Variants in EPHA6 observed in about 807,000 individuals in gnomAD.
EPHA6 encodes the protein ephrin type-A receptor 6.
A neutral mutation model predicts 112.0 loss-of-function variants in EPHA6; 50 were observed. That is an observed-to-expected ratio of 0.45 (90% CI 0.36 to 0.56). The LOEUF (loss-of-function observed/expected upper bound fraction) is 0.56, where lower values mean the gene tolerates loss of function less well. EPHA6 is among the 20% of genes least tolerant of loss of function. The probability of loss-of-function intolerance (pLI) is 0.00; values close to 1 mark genes in which losing one functional copy is unlikely to be tolerated. For synonymous variants in EPHA6, 529 were observed against 490.7 expected (o/e 1.08, Z -1.03); for missense variants, 1,280 against 1,417.4 (o/e 0.90, Z 1.56).
At chr3:97,474,963 C>T (rs992089959) in intron 7 of EPHA6, among the ~76,000 whole-genome samples, 1 of 151,968 alleles carries the variant, frequency 6.6e-6, no homozygotes, top group Non-Finnish European at 1.5e-5. Flanking sequence ...GATATCAAAA[C>T]AGTCTATAAA....
intron 2 of EPHA6, among the ~76,000 whole-genome samples, chr3:96,908,815 G>T (rs2107596509): frequency 6.6e-6 from 1 of 152,038 alleles, no homozygotes; most frequent in East Asian, 1.9e-4. Context: ...TGATGAGTTT[G>T]AAAGCCAAAG....
intron 5 of EPHA6, among the ~76,000 whole-genome samples, chr3:97,275,832 G>T (rs551782360): frequency 3.3e-5 from 5 of 152,094 alleles, no homozygotes; most frequent in East Asian, 1.9e-4. Context: ...GGGTTAAGGT[G>T]GGGGGATATG....
rs73133042 is a variant in EPHA6 at position 97,294,298 on chromosome 3, T to C, written c.1606+50011T>C. On this transcript the variant is annotated intron_variant, in intron 5 of 17. Coordinates refer to ENST00000389672, the MANE Select transcript of EPHA6 (RefSeq NM_001080448.3). ...CCCACTTCAGCCAGCATCTTTGCAGTGGCCACTCCAGATGGACAGCTATCA... is the reference window on the plus strand; with the variant it reads ...CCCACTTCAGCCAGCATCTTTGCAGCGGCCACTCCAGATGGACAGCTATCA... Among the ~76,000 whole-genome samples, 440 of 152,324 alleles carry C rather than the reference T, an allele frequency of 2.9e-3. 5 individuals carry two copies. Among genetic ancestry groups the C allele is most frequent in the Non-Finnish European group, 1.6e-3 (112 of 68,016 alleles).
At chr3:97,085,947 A>G (rs1052510348) in intron 3 of EPHA6, among the ~76,000 whole-genome samples, 2 of 146,524 alleles carry the variant, frequency 1.4e-5, no homozygotes, top group Non-Finnish European at 3.0e-5. Context: ...ATATATATAT[A>G]TACACACTGA....
intron 3 of EPHA6, among the ~76,000 whole-genome samples, chr3:97,074,161 G>T (rs896952631): frequency 2.6e-5 from 4 of 151,732 alleles, no homozygotes; most frequent in Non-Finnish European, 5.9e-5. Context: ...CCCTGTCTTG[G>T]TGTTCTTGAT....
chr3:97,494,247 G>T (rs938569300), intron 10 of EPHA6, among the ~76,000 whole-genome samples: 23 of 152,080 alleles, frequency 1.5e-4, no homozygotes, highest in African/African-American at 5.6e-4. Flanking sequence ...TAATATTTGT[G>T]TCATAAATAG....
intron 5 of EPHA6, among the ~76,000 whole-genome samples, chr3:97,250,231 T>A (rs2079096847): frequency 6.6e-6 from 1 of 152,226 alleles, no homozygotes; most frequent in Non-Finnish European, 1.5e-5. Context: ...GTTCACTAAA[T>A]CCTCTGGTGC....
chr3:97,549,798 G>A (rs867536296), intron 11 of EPHA6, among the ~76,000 whole-genome samples: 4 of 151,846 alleles, frequency 2.6e-5, no homozygotes, highest in African/African-American at 7.3e-5. Flanking sequence ...GCGACAAGGC[G>A]AGACTCTGTC....
chr3:97,139,641 C>T (rs746519978), intron 3 of EPHA6, among the ~76,000 whole-genome samples: 4 of 152,078 alleles, frequency 2.6e-5, no homozygotes, highest in Admixed American at 6.6e-5. Flanking sequence ...GCCAAAGGAC[C>T]CTACCCAACA....
chr3:96,888,285 C>T (rs78216275), intron 2 of EPHA6, among the ~76,000 whole-genome samples: 4,262 of 152,258 alleles, frequency 0.028, 201 homozygotes, highest in African/African-American at 0.095. Context: ...CACTGTATTT[C>T]GCTCGGCTCT....
At chr3:97,368,031 C>A (rs1469841385) in intron 5 of EPHA6, among the ~76,000 whole-genome samples, 4 of 152,126 alleles carry the variant, frequency 2.6e-5, no homozygotes, top group Non-Finnish European at 5.9e-5. Context: ...GTTCAAGGTG[C>A]TGACTTCAAA....
At chr3:97,113,634 C>G (rs2047790947) in intron 3 of EPHA6, among the ~76,000 whole-genome samples, 1 of 152,102 alleles carries the variant, frequency 6.6e-6, no homozygotes, top group Non-Finnish European at 1.5e-5. Context: ...GGGTGGCATA[C>G]CAGAGCACCC....
intron 5 of EPHA6, among the ~76,000 whole-genome samples, chr3:97,376,454 C>A (rs562453399): frequency 4.6e-5 from 7 of 152,100 alleles, no homozygotes; most frequent in Non-Finnish European, 2.9e-5. Context: ...ACAAAAAAAA[C>A]AACATGCACA....
chr3:97,634,540 A>C (rs1199784850), intron 13 of EPHA6, among the ~76,000 whole-genome samples: 1 of 152,104 alleles, frequency 6.6e-6, no homozygotes, highest in Admixed American at 6.6e-5. Context: ...GGGAGGGCTC[A>C]CAGGACCAGC....
chr3:97,622,608 G>A (rs992886168), intron 13 of EPHA6, among the ~76,000 whole-genome samples: 1 of 151,774 alleles, frequency 6.6e-6, no homozygotes, highest in Non-Finnish European at 1.5e-5. Context: ...ATATCCAGAA[G>A]TGGGATTACT....
intron 14 of EPHA6, among the ~76,000 whole-genome samples, chr3:97,700,698 C>T (rs1319493480): frequency 6.6e-6 from 1 of 152,136 alleles, no homozygotes; most frequent in Non-Finnish European, 1.5e-5. Flanking sequence ...ATACACCACA[C>T]ACACATACAG....
At chr3:96,940,293 G>A (rs144138318) in intron 2 of EPHA6, among the ~76,000 whole-genome samples, 1,898 of 152,200 alleles carry the variant, frequency 0.012, 36 homozygotes, top group African/African-American at 0.041. Context: ...TCCTGTATTG[G>A]GTGCATATAT....
intron 14 of EPHA6, 71 bp from the exon 15 acceptor site, chr3:97,720,190 T>C (rs1029405432): frequency 1.8e-5 from 24 of 1,319,984 alleles, no homozygotes; most frequent in Non-Finnish European, 2.3e-5. Context: ...ATAAAAAATA[T>C]TTAATTGGAA....
At chr3:96,824,505 A>C (rs2033512880) in intron 1 of EPHA6, among the ~76,000 whole-genome samples, 1 of 151,904 alleles carries the variant, frequency 6.6e-6, no homozygotes, top group Non-Finnish European at 1.5e-5. Context: ...GAATTCTCAA[A>C]CTAGTTCTGC....
Sources: allele counts gnomAD v4.1 joint callset (sites outside exome capture counted in the v4.1 genomes callset), GRCh38; gene constraint gnomAD v4.1.1; transcripts MANE v1.5; gene names NCBI Gene and HGNC (gene_info 2026-07-23, HGNC 2026-07-21).